TMBIM4: variants seen among roughly 807,000 people sequenced by gnomAD.
TMBIM4 encodes the protein protein lifeguard 4.
Under a neutral mutation model 27.7 loss-of-function variants are expected in TMBIM4, and 28 were observed. That is an observed-to-expected ratio of 1.01 (90% CI 0.75 to 1.38). The LOEUF (loss-of-function observed/expected upper bound fraction) is 1.38, where lower values mean the gene tolerates loss of function less well. Among genes scored for constraint, TMBIM4 ranks in the 40% most tolerant of loss-of-function variants. The pLI, the probability that TMBIM4 is intolerant of heterozygous loss-of-function variation, is 0.00. For synonymous variants in TMBIM4, 115 were observed against 113.1 expected (o/e 1.02, Z -0.11); for missense variants, 265 against 277.5 (o/e 0.95, Z 0.32).
At chr12:66,155,211 A>G (rs1292016790) in intron 1 of TMBIM4, among the ~76,000 whole-genome samples, 6 of 148,074 alleles carry the variant, frequency 4.1e-5, no homozygotes, top group African/African-American at 1.5e-4. Flanking sequence ...GGGCTATGAG[A>G]AAAAAAATCA....
intron 3 of TMBIM4, 78 bp downstream of exon 3, chr12:66,152,193 T>C (rs1020827440): frequency 1.4e-6 from 1 of 709,836 alleles, no homozygotes; most frequent in African/African-American, 1.9e-5. Flanking sequence ...TCTGCCGTTG[T>C]TATATATGTA....
At chr12:66,160,268 CAT>C (rs1212456224) in intron 1 of TMBIM4, 1 of 702,888 alleles carries the variant, frequency 1.4e-6, no homozygotes, top group Non-Finnish European at 2.6e-6. Flanking sequence ...AAGGTATCCT[CAT>C]ATATTGTTTG....
At chr12:66,138,661 G>A (rs878908855) in intron 6 of TMBIM4, 63 bp downstream of exon 6, 1 of 1,251,512 alleles carries the variant, frequency 8.0e-7, no homozygotes, top group South Asian at 1.4e-5. Flanking sequence ...ATAGCTTTTT[G>A]AGGTTATTTA....
chr12:66,144,999 C>T (rs1348773394), intron 5 of TMBIM4, among the ~76,000 whole-genome samples: 1 of 152,120 alleles, frequency 6.6e-6, no homozygotes, highest in East Asian at 1.9e-4. Flanking sequence ...TAGAACAAAA[C>T]TTTCATCATA....
At chr12:66,155,727 A>G (rs1204484448) in intron 1 of TMBIM4, among the ~76,000 whole-genome samples, 3 of 152,210 alleles carry the variant, frequency 2.0e-5, no homozygotes, top group Admixed American at 2.0e-4. Flanking sequence ...AGTGGAAATT[A>G]GTGTTATTTC....
At chr12:66,140,449 G>A (rs531004742) in intron 5 of TMBIM4, among the ~76,000 whole-genome samples, 65 of 152,012 alleles carry the variant, frequency 4.3e-4, no homozygotes, top group African/African-American at 1.4e-3. Context: ...AAAATGAATC[G>A]CAGAGAGAAA....
chr12:66,158,227 CAAA>C (rs397947155), intron 1 of TMBIM4, among the ~76,000 whole-genome samples: 1 of 112,454 alleles, frequency 8.9e-6, no homozygotes. Context: ...CTCCGTCTCA[CAAA>C]AAAAAAAAAA....
Position 66,169,896 on chromosome 12 carries a change from T to C in TMBIM4, c.56A>G (p.Tyr19Cys). The C allele has an allele frequency of 1.3e-6, 2 of 1,500,736 alleles. No individual in the cohort carries two copies. The highest frequency in any genetic ancestry group is 1.8e-6 in the Non-Finnish European group (2 of 1,127,170). The allele number at this position is 1,500,736 out of a possible 1,614,324, so 93.0% of individuals were successfully genotyped here. Residue 19 changes from tyrosine (Y) to cysteine (C), a missense_variant, in exon 1 of 7, where the codon TAT becomes TGT. Tyr to Cys is a radical substitution (Grantham distance 194). Coordinates refer to ENST00000358230, the MANE Select transcript of TMBIM4 (RefSeq NM_016056.4). The part of the protein sequence containing the change: ...PRSSIEDDFN[Y>C]GSSVASATVH... ...GGTGGCGGAGGCCACGCTGCTGCCA[T>C]AGTTGAAGTCGTCCTCGATCGAGGA... is the stretch of plus-strand genomic sequence containing the variant.
In TMBIM4 at chr12:66,137,661, TG is replaced by T; in HGVS notation, c.*298del. The T allele has an allele frequency of 3.5e-6, 1 of 288,654 alleles. No homozygotes were observed. The highest frequency in any genetic ancestry group is 3.2e-5 in the South Asian group (1 of 30,828). 17.9% of individuals were successfully genotyped at this position (288,654 alleles called of 1,614,324 possible). On this transcript the variant is annotated 3_prime_UTR_variant, in exon 7 of 7. Coordinates refer to ENST00000358230, the MANE Select transcript of TMBIM4 (RefSeq NM_016056.4). Reference sequence around the variant, plus strand: ...CACCTGCCTCGGTCTCCCAAAGTGGTGGGATTACAGGCGTGAGCCACTGTGC... The same window carrying T: ...CACCTGCCTCGGTCTCCCAAAGTGGTGGATTACAGGCGTGAGCCACTGTGC...
chr12:66,137,862 TAATGA>T lies in TMBIM4; in HGVS notation c.*93_*97del. 1.1e-6 allele frequency: 1 copy of T among 895,344 alleles called. No homozygotes were observed. Among genetic ancestry groups the T allele is most frequent in the Admixed American group, 2.5e-5 (1 of 40,572 alleles). 55.5% of individuals were successfully genotyped at this position (895,344 alleles called of 1,614,324 possible). The stretch of plus-strand genomic sequence containing the variant: ...AATCATTGTTTCAAACTTTATTACT[TAATGA>T]AACAGTTTCTATATACTGCTTCCAA... On this transcript the variant is annotated 3_prime_UTR_variant, in exon 7 of 7. Coordinates refer to ENST00000358230, the MANE Select transcript of TMBIM4 (RefSeq NM_016056.4).
rs757530013 is a variant in TMBIM4, at chr12:66,153,346, T to C, written c.200A>G (p.His67Arg). The change falls in exon 2 of 7, where the codon CAT (histidine) becomes CGT (arginine). Residue 67 changes from histidine to arginine, a missense_variant. Transcript: ENST00000358230. Reference protein sequence around the residue: ...LYFESVRTFVHESPALILLFA... With the variant: ...LYFESVRTFVRESPALILLFA... The stretch of plus-strand genomic sequence containing the variant: ...TACCATCTCATTACCTTACCTCTCA[T>C]GTACAAATGTCCGTACAGACTCAAA... 2.6e-6 allele frequency: 4 copies of C among 1,544,916 alleles called. No individual in the cohort carries two copies. The highest frequency in any genetic ancestry group is 1.4e-5 in the African/African-American group (1 of 72,576).
At chr12:66,139,060 T>C (rs190972164) in intron 5 of TMBIM4, 200 of 229,808 alleles carry the variant, frequency 8.7e-4, no homozygotes, top group Non-Finnish European at 1.5e-3. Flanking sequence ...AGCAGAAATA[T>C]CATTACAAGT....
rs184762739 is a variant in TMBIM4, at chr12:66,142,853, A to T, written c.464+2988T>A. Among the ~76,000 whole-genome samples, 33 of 152,240 alleles carry T rather than the reference A, an allele frequency of 2.2e-4. No individual in the cohort carries two copies. In the East Asian group the frequency reaches 6.4e-3, roughly 29 times the overall value. On this transcript the variant is annotated intron_variant, in intron 5 of 6. Transcript: ENST00000358230. ...GGGCTGCCAGAGGTCACTGGACATT[A>T]ATTTACTCTTATTCACTAACTGGAC...
chr12:66,166,786 C>A (rs2052138405), intron 1 of TMBIM4, among the ~76,000 whole-genome samples: 7 of 152,176 alleles, frequency 4.6e-5, no homozygotes. Flanking sequence ...GGCAATTGTG[C>A]TGCTTGGTAT....
chr12:66,145,525 G>A (rs1265832389), intron 5 of TMBIM4, among the ~76,000 whole-genome samples: 1 of 151,990 alleles, frequency 6.6e-6, no homozygotes, highest in Non-Finnish European at 1.5e-5. Context: ...TTTATGCTAA[G>A]ACAAAGACTG....
intron 5 of TMBIM4, among the ~76,000 whole-genome samples, chr12:66,144,122 A>C (rs545035372): frequency 2.0e-5 from 3 of 152,080 alleles, no homozygotes; most frequent in Non-Finnish European, 4.4e-5. Context: ...GTATCACCCA[A>C]CTGCTTGGTG....
intron 1 of TMBIM4, among the ~76,000 whole-genome samples, chr12:66,168,188 T>C (rs1324943462): frequency 1.4e-5 from 2 of 147,884 alleles, no homozygotes; most frequent in African/African-American, 2.5e-5. Context: ...ACCACTGCAC[T>C]CCAGCCTCGG....
intron 1 of TMBIM4, among the ~76,000 whole-genome samples, chr12:66,158,180 T>A (rs558299066): frequency 7.1e-6 from 1 of 140,680 alleles, no homozygotes; most frequent in Non-Finnish European, 1.5e-5. Context: ...GAGCCGAGAT[T>A]GCACCACTGC....
intron 1 of TMBIM4, among the ~76,000 whole-genome samples, chr12:66,154,566 C>T (rs975883771): frequency 6.6e-6 from 1 of 152,174 alleles, no homozygotes; most frequent in Non-Finnish European, 1.5e-5. Flanking sequence ...GCTTAGAGGA[C>T]TGTGCTTAGG....
Sources: gnomAD v4.1 joint callset for allele counts (sites outside exome capture counted in the v4.1 genomes callset) on GRCh38, gnomAD v4.1.1 for gene constraint, MANE v1.5 for transcripts, NCBI Gene and HGNC (gene_info 2026-07-23, HGNC 2026-07-21) for gene names.